The following RANBP17 variants were observed in gnomAD, a reference collection of about 807,000 sequenced individuals.
RANBP17 encodes the protein ran-binding protein 17.
A neutral mutation model predicts 141.2 loss-of-function variants in RANBP17; 158 were observed. That is an observed-to-expected ratio of 1.12 (90% confidence interval 0.98 to 1.28). The LOEUF is 1.28. Among genes scored for constraint, RANBP17 ranks in the 50% most tolerant of loss-of-function variants. The probability of loss-of-function intolerance (pLI) is 0.00; values close to 1 mark genes in which losing one functional copy is unlikely to be tolerated. For missense variants in RANBP17, 1,438 were observed against 1,290.7 expected (o/e 1.11, Z -1.75); for synonymous variants, 430 against 450.0 (o/e 0.96, Z 0.56).
At chr5:170,925,998 C>T (rs1772885283) in intron 12 of RANBP17, among the ~76,000 whole-genome samples, 1 of 152,128 alleles carries the variant, frequency 6.6e-6, no homozygotes, top group South Asian at 2.1e-4. Flanking sequence ...TGCTCCTTAA[C>T]AATTGTTGTG....
At chr5:170,913,923 C>G (rs1323741058) in intron 7 of RANBP17, among the ~76,000 whole-genome samples, 1 of 151,886 alleles carries the variant, frequency 6.6e-6, no homozygotes, top group Non-Finnish European at 1.5e-5. Flanking sequence ...TAAGAAGATT[C>G]TCCCAGTTCA....
At chr5:171,226,220 T>C (rs1434020716) in intron 22 of RANBP17, among the ~76,000 whole-genome samples, 1 of 152,214 alleles carries the variant, frequency 6.6e-6, no homozygotes, top group African/African-American at 2.4e-5. Context: ...TTTTAAGAAC[T>C]GGATGATTTT....
intron 3 of RANBP17, among the ~76,000 whole-genome samples, chr5:170,885,349 A>G (rs1423231): frequency 0.6 from 91,490 of 151,952 alleles, 29,266 homozygotes; most frequent in South Asian, 0.9. Context: ...GGGTAATATC[A>G]TCCATTTCAG....
chr5:170,953,073 T>C (rs1327308290), intron 12 of RANBP17, among the ~76,000 whole-genome samples: 1 of 152,016 alleles, frequency 6.6e-6, no homozygotes, highest in Non-Finnish European at 1.5e-5. Flanking sequence ...TGCATAAAAA[T>C]ACAGAAGGAA....
At chr5:171,200,835 A>G (rs1220340128) in intron 19 of RANBP17, among the ~76,000 whole-genome samples, 1 of 152,238 alleles carries the variant, frequency 6.6e-6, no homozygotes, top group African/African-American at 2.4e-5. Flanking sequence ...TTTGAAATTA[A>G]TGTTTATCAG....
At chr5:171,101,991 GTAACCCAACCTTTCTCTCTGTCTGCCCT>G (rs1339189589) in intron 14 of RANBP17, among the ~76,000 whole-genome samples, 1 of 152,178 alleles carries the variant, frequency 6.6e-6, no homozygotes. Flanking sequence ...CCCTTTGTGG[GTAACCCAACCTTTCTCTCTGTCTGCCCT>G]TAACATTTTT....
chr5:171,292,162 G>A (rs1050281778), intron 25 of RANBP17, among the ~76,000 whole-genome samples: 3 of 152,108 alleles, frequency 2.0e-5, no homozygotes, highest in Middle Eastern at 3.2e-3. Flanking sequence ...ATGGAAACTC[G>A]TGATCTGCAA....
chr5:171,224,273 T>TA (rs1763757405), intron 22 of RANBP17, among the ~76,000 whole-genome samples: 2 of 152,378 alleles, frequency 1.3e-5, no homozygotes, highest in East Asian at 3.9e-4. Context: ...TAAGAATCTC[T>TA]TAGTAATCAG....
At chr5:171,044,555 G>A (rs1259698102) in intron 14 of RANBP17, among the ~76,000 whole-genome samples, 2 of 151,758 alleles carry the variant, frequency 1.3e-5, no homozygotes, top group African/African-American at 4.8e-5. Context: ...GCTCACAAAG[G>A]TAAAGAGAAT....
At chr5:171,103,715 G>T (rs567568173) in intron 14 of RANBP17, among the ~76,000 whole-genome samples, 4 of 152,112 alleles carry the variant, frequency 2.6e-5, no homozygotes, top group African/African-American at 9.7e-5. Flanking sequence ...TGCTTGAAAC[G>T]CAGGGCCCTG....
intron 14 of RANBP17, among the ~76,000 whole-genome samples, chr5:171,131,112 C>G (rs994208755): frequency 6.6e-6 from 1 of 152,284 alleles, no homozygotes; most frequent in South Asian, 2.1e-4. Flanking sequence ...AAACTCAGAT[C>G]CTCAGCTTTC....
chr5:171,217,395 G>A (rs964178355), intron 21 of RANBP17, among the ~76,000 whole-genome samples: 11 of 152,184 alleles, frequency 7.2e-5, no homozygotes, highest in Non-Finnish European at 1.2e-4. Flanking sequence ...TCTCTGCCAG[G>A]TTTTGGTATC....
chr5:171,256,196 A>G (rs1355243341), intron 24 of RANBP17, among the ~76,000 whole-genome samples: 1 of 152,200 alleles, frequency 6.6e-6, no homozygotes, highest in Non-Finnish European at 1.5e-5. Context: ...TAAAGCGCTC[A>G]TGTCCTGGCT....
At chr5:171,083,810 G>A (rs967672364) in intron 14 of RANBP17, among the ~76,000 whole-genome samples, 2 of 152,138 alleles carry the variant, frequency 1.3e-5, no homozygotes, top group African/African-American at 4.8e-5. Flanking sequence ...ATTATAAGGG[G>A]GAGTTTCCTT....
chr5:171,128,621 ATG>A (rs1366952751), intron 14 of RANBP17, among the ~76,000 whole-genome samples: 1 of 152,160 alleles, frequency 6.6e-6, no homozygotes, highest in Non-Finnish European at 1.5e-5. Context: ...ACTACCAACA[ATG>A]TGTCATATAT....
At chr5:171,045,119 A>G (rs1238927931) in intron 14 of RANBP17, among the ~76,000 whole-genome samples, 1 of 152,070 alleles carries the variant, frequency 6.6e-6, no homozygotes, top group Non-Finnish European at 1.5e-5. Context: ...CTGCCAAACT[A>G]ATTATAATGT....
At position 170,933,304 on chromosome 5, in the gene RANBP17, T is replaced by C. The variant is rs1233398675; in HGVS notation, c.1468+8754T>C. Among the ~76,000 whole-genome samples the C allele has an allele frequency of 2.6e-5, 4 of 152,324 alleles. No individual in the cohort carries two copies. The East Asian group carries it at 5.8e-4, about 22-fold the overall frequency. ...GTGTCTATTTGATTCCTCTCTCTTT[T>C]CTTCTTTATTAGTCTTACTAGCGGT... is the stretch of plus-strand genomic sequence containing the variant. On this transcript the variant is annotated intron_variant, in intron 12 of 27. Transcript: ENST00000523189.
At chr5:170,920,099 G>A (rs748427884) in intron 11 of RANBP17, among the ~76,000 whole-genome samples, 14 of 152,046 alleles carry the variant, frequency 9.2e-5, no homozygotes, top group Non-Finnish European at 1.5e-4. Flanking sequence ...TTTGGCCATT[G>A]TAAATAAAAC....
chr5:171,134,255 T>C (rs1757119833), intron 14 of RANBP17, among the ~76,000 whole-genome samples: 1 of 152,194 alleles, frequency 6.6e-6, no homozygotes, highest in Non-Finnish European at 1.5e-5. Context: ...ATCATAAATA[T>C]TGGGATTTTA....
Sources: gnomAD v4.1 joint callset for allele counts (sites outside exome capture counted in the v4.1 genomes callset) on GRCh38, gnomAD v4.1.1 for gene constraint, MANE v1.5 for transcripts, NCBI Gene and HGNC (gene_info 2026-07-23, HGNC 2026-07-21) for gene names.